Variants in ARHGEF28 observed in about 807,000 individuals in gnomAD.
ARHGEF28 encodes Rho guanine nucleotide exchange factor 28.
ARHGEF28 carries 152 observed loss-of-function variants against 206.6 expected under a neutral mutation model. The ratio of observed to expected loss-of-function variants is 0.74; its 90% CI spans 0.64 to 0.84. ARHGEF28 has a LOEUF of 0.84. ARHGEF28 is among the 40% of genes least tolerant of loss of function. ARHGEF28 has a pLI of 0.00. For missense variants in ARHGEF28, 2,028 were observed against 2,073.2 expected (o/e 0.98, Z 0.42); for synonymous variants, 763 against 776.4 (o/e 0.98, Z 0.29).
intron 3 of ARHGEF28, among the ~76,000 whole-genome samples, chr5:73,750,385 C>T (rs150682600): frequency 6.6e-6 from 1 of 152,168 alleles, no homozygotes; most frequent in East Asian, 1.9e-4. Context: ...TTCTCTCTTC[C>T]TCATTCTTCT....
At chr5:73,702,520 G>A (rs1290391968) in intron 2 of ARHGEF28, among the ~76,000 whole-genome samples, 3 of 152,106 alleles carry the variant, frequency 2.0e-5, no homozygotes, top group Non-Finnish European at 2.9e-5. Context: ...ACAAGTATCC[G>A]TTTGAGTCCC....
chr5:73,741,089 A>T (rs1395775727), intron 2 of ARHGEF28, among the ~76,000 whole-genome samples: 1 of 151,998 alleles, frequency 6.6e-6, no homozygotes, highest in Non-Finnish European at 1.5e-5. Context: ...AAAGTGCCAG[A>T]TACTTGTTTT....
intron 9 of ARHGEF28, among the ~76,000 whole-genome samples, chr5:73,811,644 A>G (rs917528529): frequency 1.3e-5 from 2 of 152,224 alleles, no homozygotes; most frequent in Admixed American, 1.3e-4. Context: ...ACATATCCTT[A>G]TAATTATACC....
chr5:73,722,898 G>A (rs1750045790), intron 2 of ARHGEF28, among the ~76,000 whole-genome samples: 1 of 152,104 alleles, frequency 6.6e-6, no homozygotes, highest in Non-Finnish European at 1.5e-5. Context: ...AGTTTTTTAT[G>A]TTTTAATTTA....
chr5:73,771,557 AAAG>A (rs1477377823), intron 4 of ARHGEF28, among the ~76,000 whole-genome samples: 1 of 152,026 alleles, frequency 6.6e-6, no homozygotes, highest in African/African-American at 2.4e-5. Context: ...CAAAAAAAAA[AAAG>A]GAGAGAAATT....
At chr5:73,817,784 T>TA (rs1756315280) in intron 9 of ARHGEF28, among the ~76,000 whole-genome samples, 1 of 152,140 alleles carries the variant, frequency 6.6e-6, no homozygotes, top group Admixed American at 6.6e-5. Context: ...TCCTTCCTGG[T>TA]ATGTTTCACC....
chr5:73,851,466 A>G (rs1758701246), intron 13 of ARHGEF28, among the ~76,000 whole-genome samples: 1 of 151,144 alleles, frequency 6.6e-6, no homozygotes, highest in Non-Finnish European at 1.5e-5. Context: ...ATGTTTGTAT[A>G]CATAAAACAA....
chr5:73,646,121 T>G (rs1216493141), intron 1 of ARHGEF28, among the ~76,000 whole-genome samples: 2 of 152,194 alleles, frequency 1.3e-5, no homozygotes, highest in African/African-American at 4.8e-5. Context: ...TGGCACTCTC[T>G]TCTAAGCCAG....
chr5:73,836,035 T>G (rs752252402), intron 10 of ARHGEF28, among the ~76,000 whole-genome samples: 4 of 122,120 alleles, frequency 3.3e-5, no homozygotes, highest in Non-Finnish European at 5.8e-5. Flanking sequence ...TGCCACATTT[T>G]CTTTATTCAT....
At chr5:73,674,325 T>C (rs1746523513) in intron 1 of ARHGEF28, among the ~76,000 whole-genome samples, 1 of 152,218 alleles carries the variant, frequency 6.6e-6, no homozygotes, top group Non-Finnish European at 1.5e-5. Context: ...AAGGACTTTG[T>C]GCTGAGGCTA....
chr5:73,680,721 C>T (rs1291398888), intron 1 of ARHGEF28, among the ~76,000 whole-genome samples: 3 of 151,962 alleles, frequency 2.0e-5, no homozygotes, highest in Non-Finnish European at 2.9e-5. Context: ...TAAAATCTAG[C>T]AAATACCACA....
At chr5:73,887,831 A>C (rs1441030624) in intron 26 of ARHGEF28, among the ~76,000 whole-genome samples, 152 bp downstream of exon 26, 3 of 152,218 alleles carry the variant, frequency 2.0e-5, no homozygotes, top group African/African-American at 7.2e-5. Context: ...CAGTGTTTAG[A>C]GACAAGCATC....
intron 2 of ARHGEF28, among the ~76,000 whole-genome samples, chr5:73,688,789 G>T (rs1422822373): frequency 1.3e-5 from 2 of 152,130 alleles, no homozygotes; most frequent in African/African-American, 4.8e-5. Flanking sequence ...GAGTAGCTGG[G>T]ACTACAGGTG....
intron 9 of ARHGEF28, among the ~76,000 whole-genome samples, chr5:73,832,022 G>C (rs745585102): frequency 6.6e-6 from 1 of 152,168 alleles, no homozygotes; most frequent in Non-Finnish European, 1.5e-5. Flanking sequence ...GGGAAATGAA[G>C]TTTAATTTAA....
chr5:73,939,168 A>G (rs991349556), intron 35 of ARHGEF28, among the ~76,000 whole-genome samples: 2 of 152,122 alleles, frequency 1.3e-5, no homozygotes, highest in Non-Finnish European at 2.9e-5. Flanking sequence ...TCCTAGCTGC[A>G]TGATGTGGGT....
At chr5:73,877,484 T>C (rs1760594724) in intron 22 of ARHGEF28, among the ~76,000 whole-genome samples, 1 of 139,862 alleles carries the variant, frequency 7.1e-6, no homozygotes, top group Non-Finnish European at 1.5e-5. Flanking sequence ...TGTTTGCTCT[T>C]GCTTTTCTAG....
chr5:73,788,979 A>G (rs1754311803), intron 7 of ARHGEF28, among the ~76,000 whole-genome samples: 1 of 152,148 alleles, frequency 6.6e-6, no homozygotes, highest in African/African-American at 2.4e-5. Flanking sequence ...TTTATCAAAC[A>G]TGGAGTTATA....
At chr5:73,701,529 T>C (rs1405284031) in intron 2 of ARHGEF28, among the ~76,000 whole-genome samples, 1 of 152,168 alleles carries the variant, frequency 6.6e-6, no homozygotes, top group African/African-American at 2.4e-5. Context: ...TTTGAAGCAT[T>C]TTTGATGGCT....
intron 4 of ARHGEF28, among the ~76,000 whole-genome samples, chr5:73,755,986 C>T (rs1487775259): frequency 2.6e-5 from 4 of 151,674 alleles, no homozygotes; most frequent in Non-Finnish European, 4.4e-5. Flanking sequence ...CATAGTAAAA[C>T]ACTTTTCTAT....
Sources: gnomAD v4.1 joint callset for allele counts (sites outside exome capture counted in the v4.1 genomes callset) on GRCh38, gnomAD v4.1.1 for gene constraint, MANE v1.5 for transcripts, NCBI Gene and HGNC (gene_info 2026-07-23, HGNC 2026-07-21) for gene names.